SGCZ: variants seen among roughly 807,000 people sequenced by gnomAD.
SGCZ encodes zeta-sarcoglycan.
Under a neutral mutation model 41.3 loss-of-function variants are expected in SGCZ, and 40 were observed. The observed-to-expected ratio is 0.97, with a 90% CI of 0.75 to 1.26. The LOEUF (loss-of-function observed/expected upper bound fraction) is 1.26. Among genes scored for constraint, SGCZ ranks in the 50% most tolerant of loss-of-function variants. SGCZ has a pLI of 0.00. For missense variants in SGCZ, 552 were observed against 369.8 expected (o/e 1.49, Z -4.04); for synonymous variants, 206 against 137.5 (o/e 1.50, Z -3.49).
intron 1 of SGCZ, among the ~76,000 whole-genome samples, chr8:14,599,245 C>T (rs187582175): frequency 1.4e-5 from 2 of 140,630 alleles, no homozygotes. Flanking sequence ...CCACTATTTC[C>T]TCAAATCCCT....
At chr8:14,496,898 C>T (rs1802004158) in intron 2 of SGCZ, among the ~76,000 whole-genome samples, 1 of 151,994 alleles carries the variant, frequency 6.6e-6, no homozygotes, top group Non-Finnish European at 1.5e-5. Context: ...TAATTTTTTT[C>T]ACAGAGCATA....
intron 1 of SGCZ, among the ~76,000 whole-genome samples, chr8:14,852,931 C>T (rs537291265): frequency 6.6e-6 from 1 of 152,222 alleles, no homozygotes; most frequent in East Asian, 1.9e-4. Context: ...TTCTATGGGG[C>T]TTTTCCTTTA....
intron 1 of SGCZ, among the ~76,000 whole-genome samples, chr8:15,208,868 A>AAT (rs1000806365): frequency 7.1e-6 from 1 of 140,404 alleles, no homozygotes; most frequent in Non-Finnish European, 1.5e-5. Flanking sequence ...ATATATCCTA[A>AAT]ATATATATAT....
intron 1 of SGCZ, among the ~76,000 whole-genome samples, chr8:14,585,776 G>T (rs1222204644): frequency 1.3e-5 from 2 of 152,090 alleles, no homozygotes; most frequent in Non-Finnish European, 2.9e-5. Flanking sequence ...AAAGAGGTAA[G>T]ATGATTCAAT....
At chr8:15,055,336 G>T (rs750826572) in intron 1 of SGCZ, among the ~76,000 whole-genome samples, 14 of 152,126 alleles carry the variant, frequency 9.2e-5, no homozygotes, top group Non-Finnish European at 1.3e-4. Context: ...ATTATCATTA[G>T]TACTCAATTA....
chr8:14,438,992 G>T (rs929784461), intron 2 of SGCZ, among the ~76,000 whole-genome samples: 2 of 152,060 alleles, frequency 1.3e-5, no homozygotes, highest in East Asian at 3.9e-4. Context: ...GACATGAGAT[G>T]ATTATAATGC....
intron 1 of SGCZ, among the ~76,000 whole-genome samples, chr8:15,135,687 G>A (rs1445272168): frequency 6.6e-6 from 1 of 152,170 alleles, no homozygotes; most frequent in Non-Finnish European, 1.5e-5. Context: ...TGTTTAGACT[G>A]TGTGTAGTAC....
chr8:15,015,809 T>G (rs1030054184), intron 1 of SGCZ, among the ~76,000 whole-genome samples: 4 of 150,612 alleles, frequency 2.7e-5, no homozygotes, highest in African/African-American at 9.8e-5. Context: ...CTGATATCAG[T>G]TTCCAATCCC....
intron 1 of SGCZ, among the ~76,000 whole-genome samples, chr8:14,716,407 T>C (rs1050456911): frequency 3.9e-5 from 6 of 152,084 alleles, no homozygotes; most frequent in Non-Finnish European, 8.8e-5. Context: ...TTACATAGCA[T>C]ATTGATTATT....
chr8:14,097,409 G>A (rs1453829133), intron 7 of SGCZ, among the ~76,000 whole-genome samples: 1 of 152,216 alleles, frequency 6.6e-6, no homozygotes, highest in African/African-American at 2.4e-5. Context: ...GTGATTTTGA[G>A]TGAGTTTCTT....
intron 2 of SGCZ, among the ~76,000 whole-genome samples, chr8:14,328,073 T>A (rs564860025): frequency 6.6e-6 from 1 of 152,160 alleles, no homozygotes; most frequent in African/African-American, 2.4e-5. Flanking sequence ...CTGTCTTGTA[T>A]GAAAAAACGA....
At chr8:14,362,735 G>A (rs1429205501) in intron 2 of SGCZ, among the ~76,000 whole-genome samples, 3 of 152,172 alleles carry the variant, frequency 2.0e-5, no homozygotes, top group African/African-American at 7.2e-5. Context: ...AGGTGAACCA[G>A]TGCCTGAGAT....
At chr8:14,465,903 A>G (rs764973324) in intron 2 of SGCZ, among the ~76,000 whole-genome samples, 1 of 151,918 alleles carries the variant, frequency 6.6e-6, no homozygotes, top group Non-Finnish European at 1.5e-5. Flanking sequence ...AATGTAAGTT[A>G]CAACACTAAG....
At position 15,113,317 on chromosome 8, in the gene SGCZ, T is replaced by C. The variant is rs555636294; in HGVS notation, c.39+124268A>G. Among the ~76,000 whole-genome samples the C allele has an allele frequency of 5.3e-5, 8 of 152,290 alleles. No homozygotes were observed. The East Asian group carries it at 9.7e-4, about 18-fold the overall frequency. On this transcript the variant is annotated intron_variant, in intron 1 of 7. Transcript: ENST00000382080. ...ATGTGAAAGCCCTAATTTTACTTCA[T>C]CTCAAAATCCTTATTGAAGTTCTCT... is the stretch of plus-strand genomic sequence containing the variant.
chr8:14,337,975 T>G (rs953231254), intron 2 of SGCZ, among the ~76,000 whole-genome samples: 1 of 152,124 alleles, frequency 6.6e-6, no homozygotes, highest in African/African-American at 2.4e-5. Flanking sequence ...AGGAGATGCT[T>G]AATAACTCTT....
At chr8:14,378,226 C>G (rs1804212091) in intron 2 of SGCZ, among the ~76,000 whole-genome samples, 1 of 151,344 alleles carries the variant, frequency 6.6e-6, no homozygotes, top group South Asian at 2.1e-4. Flanking sequence ...GCCATTCTAA[C>G]TGGTGTGAGA....
intron 1 of SGCZ, among the ~76,000 whole-genome samples, chr8:14,827,007 C>T (rs1260966666): frequency 8.6e-5 from 13 of 151,990 alleles, no homozygotes; most frequent in Admixed American, 1.3e-4. Context: ...GAAGTCCTTG[C>T]CCATGCCTAT....
rs193172146 is a variant in SGCZ, at chr8:14,127,822, A to G, written c.548-19587T>C. Among the ~76,000 whole-genome samples, 11 of 152,146 alleles carry G rather than the reference A, an allele frequency of 7.2e-5. 1 individual carries two copies. The highest frequency in any genetic ancestry group is 2.2e-4 in the African/African-American group (9 of 41,496). On this transcript the variant is annotated intron_variant, in intron 5 of 7. Transcript: ENST00000382080. ...CATGTGAAGGGTTATTACATAGGTA[A>G]ACTCATGTCACAGGGGATTTTTGTA...
chr8:14,199,485 T>C lies in SGCZ; in HGVS notation c.425-34783A>G, dbSNP rs184594172. Among the ~76,000 whole-genome samples the C allele has an allele frequency of 3.3e-5, 5 of 152,302 alleles. No individual in the cohort carries two copies. In the East Asian group the frequency reaches 9.7e-4, roughly 29 times the overall value. On this transcript the variant is annotated intron_variant, in intron 4 of 7. Transcript: ENST00000382080. The stretch of plus-strand genomic sequence containing the variant: ...CTGCCTCCATTTGCCTTGTGATATT[T>C]TATTACCTTGTGAAGCATGTGATCT...
Sources: allele counts gnomAD v4.1 joint callset (sites outside exome capture counted in the v4.1 genomes callset), GRCh38; gene constraint gnomAD v4.1.1; transcripts MANE v1.5; gene names NCBI Gene and HGNC (gene_info 2026-07-23, HGNC 2026-07-21).